RP1: variants seen among roughly 807,000 people sequenced by gnomAD.
RP1 encodes RP1 axonemal microtubule associated, also known as oxygen-regulated protein 1.
RP1 carries 16 observed loss-of-function variants against 14.8 expected under a neutral mutation model. That is an observed-to-expected ratio of 1.08 (90% CI 0.73 to 1.65). The LOEUF (loss-of-function observed/expected upper bound fraction) is 1.65, where lower values mean the gene tolerates loss of function less well. RP1 is among the 40% of genes most tolerant of loss of function. The pLI, the probability that RP1 is intolerant of heterozygous loss-of-function variation, is 0.00. For synonymous variants in RP1, 876 were observed against 883.6 expected (o/e 0.99, Z 0.15); for missense variants, 2,631 against 2,535.0 (o/e 1.04, Z -0.81).
At chr8:54,851,015 C>A (rs1812048080) in intron 25 of RP1, among the ~76,000 whole-genome samples, 1 of 152,102 alleles carries the variant, frequency 6.6e-6, no homozygotes, top group Admixed American at 6.5e-5. Flanking sequence ...GGTACATTTT[C>A]TTTCTTTGAA....
intron 24 of RP1, among the ~76,000 whole-genome samples, chr8:54,794,746 C>T (rs1053782958): frequency 2.0e-5 from 3 of 151,806 alleles, no homozygotes; most frequent in East Asian, 1.9e-4. Flanking sequence ...TAAACTAAAA[C>T]GTTTCTGCAC....
intron 24 of RP1, among the ~76,000 whole-genome samples, chr8:54,805,078 G>C (rs1476073292): frequency 6.6e-6 from 1 of 152,164 alleles, no homozygotes; most frequent in Non-Finnish European, 1.5e-5. Context: ...TGACAAAGGA[G>C]AGAGAATCAA....
intron 19 of RP1, among the ~76,000 whole-genome samples, chr8:54,753,031 G>A (rs1809413556): frequency 6.6e-6 from 1 of 152,032 alleles, no homozygotes. Context: ...AATATCCACA[G>A]TAACCATATG....
chr8:54,735,868 A>T (rs1302233961), intron 18 of RP1, among the ~76,000 whole-genome samples: 4 of 152,188 alleles, frequency 2.6e-5, no homozygotes, highest in Admixed American at 6.5e-5. Flanking sequence ...TTATATGCTG[A>T]TAAATCCTAT....
In RP1 at chr8:54,630,462, A is replaced by G; in HGVS notation, c.*109A>G. On this transcript the variant is annotated 3_prime_UTR_variant, in exon 4 of 4. Transcript: ENST00000220676. ...CTCTAAGAATTTTCCACTTCTTCAAAATGAACTTACTCTAGAAAGCTTACC... is the reference window on the plus strand; with the variant it reads ...CTCTAAGAATTTTCCACTTCTTCAAGATGAACTTACTCTAGAAAGCTTACC... 6.5e-7 allele frequency: 1 copy of G among 1,531,242 alleles called. No individual in the cohort carries two copies. The highest frequency in any genetic ancestry group is 1.3e-5 in the South Asian group (1 of 79,472). The allele number at this position is 1,531,242 out of a possible 1,614,324, so 94.9% of individuals were successfully genotyped here.
chr8:54,739,766 T>C (rs576945807), intron 19 of RP1, among the ~76,000 whole-genome samples: 211 of 152,208 alleles, frequency 1.4e-3, no homozygotes, highest in African/African-American at 4.8e-3. Flanking sequence ...ATGTAAAATA[T>C]AGCCATGTGC....
At chr8:54,793,976 T>C (rs1270149978) in intron 24 of RP1, among the ~76,000 whole-genome samples, 1 of 151,918 alleles carries the variant, frequency 6.6e-6, no homozygotes, top group Admixed American at 6.6e-5. Flanking sequence ...AGTTGCAAGC[T>C]ACAAAATCAA....
At chr8:54,690,638 G>T (rs1312174350) in intron 12 of RP1, among the ~76,000 whole-genome samples, 1 of 151,918 alleles carries the variant, frequency 6.6e-6, no homozygotes, top group Non-Finnish European at 1.5e-5. Context: ...ATTAATAGGG[G>T]AATGGCTGCT....
At chr8:54,840,406 C>A (rs1222798609) in intron 25 of RP1, among the ~76,000 whole-genome samples, 1 of 151,894 alleles carries the variant, frequency 6.6e-6, no homozygotes, top group African/African-American at 2.4e-5. Context: ...GTGTGAGCCA[C>A]CTCACCTGGC....
At chr8:54,691,163 G>A (rs1192838865) in intron 12 of RP1, among the ~76,000 whole-genome samples, 1 of 152,058 alleles carries the variant, frequency 6.6e-6, no homozygotes, top group Non-Finnish European at 1.5e-5. Context: ...ATTAGAAAAG[G>A]AAAGACCAGT....
intron 1 of RP1, among the ~76,000 whole-genome samples, chr8:54,592,911 T>C (rs1243089019): frequency 6.6e-6 from 1 of 152,166 alleles, no homozygotes; most frequent in Non-Finnish European, 1.5e-5. Flanking sequence ...AGTGCTCCTT[T>C]TATCAAGAAA....
At chr8:54,805,589 G>A (rs1353364400) in intron 24 of RP1, among the ~76,000 whole-genome samples, 1 of 152,162 alleles carries the variant, frequency 6.6e-6, no homozygotes, top group Admixed American at 6.5e-5. Context: ...AAGTGACTGA[G>A]TTTATACAGC....
rs1324116326 is a variant in RP1 at position 54,621,679 on chromosome 8, C to T, written c.615+98C>T. 2.0e-6 allele frequency: 3 copies of T among 1,538,070 alleles called. No homozygotes were observed. The South Asian group carries it at 3.4e-5, about 17-fold the overall frequency. ...GAATGGTGGCCCCCGGGAAGGAAAT[C>T]TTCCTTCCTCCCTGCCTGTGTATGT... On this transcript the variant is annotated intron_variant, in intron 2 of 3. Transcript: ENST00000220676.
intron 1 of RP1, among the ~76,000 whole-genome samples, chr8:54,609,467 G>A (rs1399460350): frequency 2.0e-5 from 3 of 151,902 alleles, no homozygotes; most frequent in African/African-American, 4.8e-5. Context: ...CAAACCAAAA[G>A]AAAACCGAAA....
chr8:54,852,700 A>G (rs1812083905), exon 26 of RP1: 1 of 1,232,108 alleles, frequency 8.1e-7, no homozygotes, highest in East Asian at 3.2e-5. Flanking sequence ...CAGTCCAAAA[A>G]CAATGAAATC....
chr8:54,796,586 CTATT>C (rs1185719131), intron 24 of RP1, among the ~76,000 whole-genome samples: 1 of 152,078 alleles, frequency 6.6e-6, no homozygotes, highest in Non-Finnish European at 1.5e-5. Context: ...AGAGAGAACA[CTATT>C]TAGTGACAGA....
chr8:54,620,984 T>G lies in RP1; in HGVS notation c.18T>G (p.Ser6=). The G allele has an allele frequency of 3.7e-6, 6 of 1,614,208 alleles. No homozygotes were observed. The highest frequency in any genetic ancestry group is 5.1e-6 in the Non-Finnish European group (6 of 1,180,036). The change falls in exon 2 of 4, where the codon TCT becomes TCG. Residue 6 remains serine, a synonymous_variant. Coordinates refer to ENST00000220676, the MANE Select transcript of RP1 (RefSeq NM_006269.2). MSDTP[S]TGFSIIHPTS... ...CAGCCAAAATGAGTGATACCCCTTC[T>G]ACTGGTTTTTCCATCATTCATCCTA...
At chr8:54,799,189 G>C (rs1192912772) in intron 24 of RP1, among the ~76,000 whole-genome samples, 1 of 151,862 alleles carries the variant, frequency 6.6e-6, no homozygotes, top group African/African-American at 2.4e-5. Flanking sequence ...ATAACAGAAA[G>C]CTATATGTGA....
chr8:54,819,896 G>T (rs530930439), intron 24 of RP1, among the ~76,000 whole-genome samples: 1 of 152,238 alleles, frequency 6.6e-6, no homozygotes, highest in South Asian at 2.1e-4. Flanking sequence ...TTTCTCAGCT[G>T]GGAATGTGCA....
Sources: allele counts gnomAD v4.1 joint callset (sites outside exome capture counted in the v4.1 genomes callset), GRCh38; gene constraint gnomAD v4.1.1; transcripts MANE v1.5; gene names NCBI Gene and HGNC (gene_info 2026-07-23, HGNC 2026-07-21).